The following ZNF221 variants were observed in gnomAD, a reference collection of about 807,000 sequenced individuals.
ZNF221 encodes zinc finger protein 221.
ZNF221 carries 10 observed loss-of-function variants against 12.6 expected under a neutral mutation model. The observed-to-expected ratio is 0.79, with a 90% CI of 0.49 to 1.34. The LOEUF (loss-of-function observed/expected upper bound fraction) is 1.34, where lower values mean the gene tolerates loss of function less well. ZNF221 is among the 40% of genes most tolerant of loss of function. ZNF221 has a pLI of 0.00. For missense variants in ZNF221, 661 were observed against 721.4 expected (o/e 0.92, Z 0.96); for synonymous variants, 232 against 244.0 (o/e 0.95, Z 0.46).
chr19:43,965,008 T>C lies in ZNF221; in HGVS notation c.140T>C (p.Leu47Pro). 1 of 1,614,192 alleles carries C rather than the reference T, an allele frequency of 6.2e-7. No individual in the cohort carries two copies. The highest frequency in any genetic ancestry group is 8.5e-7 in the Non-Finnish European group (1 of 1,180,032). ...VVFTEEELGL[L>P]DPAQRKLYRD... The stretch of plus-strand genomic sequence containing the variant: ...TTCACTGAGGAGGAGCTGGGGCTGC[T>C]GGACCCTGCCCAGAGGAAGCTGTAC... The change falls in exon 3 of 5, where the codon CTG becomes CCG. Residue 47 changes from leucine to proline, a missense_variant. Coordinates refer to ENST00000587682, the MANE Select transcript of ZNF221 (RefSeq NM_001297588.2).
chr19:43,975,611 G>T, the ZNF221 span, among the ~76,000 whole-genome samples: 1 of 152,278 alleles, frequency 6.6e-6, no homozygotes, highest in Admixed American at 6.5e-5. Context: ...GTGATAGATT[G>T]ATCTGTGCAG....
the ZNF221 span, among the ~76,000 whole-genome samples, chr19:43,974,366 A>G: frequency 5.3e-5 from 8 of 152,208 alleles, no homozygotes; most frequent in African/African-American, 1.7e-4. Context: ...CACCAAAAGC[A>G]ATTGCAACAA....
chr19:43,971,153 C>T (rs1975088961), downstream of ZNF221, among the ~76,000 whole-genome samples: 2 of 152,212 alleles, frequency 1.3e-5, no homozygotes, highest in South Asian at 4.1e-4. Flanking sequence ...TAGTATCTGG[C>T]CAAAGTAAGC....
At chr19:43,953,093 A>G (rs945208567) in intron 1 of ZNF221, among the ~76,000 whole-genome samples, 5 of 151,850 alleles carry the variant, frequency 3.3e-5, no homozygotes, top group African/African-American at 1.2e-4. Flanking sequence ...TAGCCTCCCA[A>G]GTAGCTGGGA....
In ZNF221 at chr19:43,967,173, G is replaced by A. The variant is rs745425868; in HGVS notation, c.1671G>A (p.Gly557=). 2.5e-6 allele frequency: 4 copies of A among 1,594,154 alleles called. No individual in the cohort carries two copies. The South Asian group carries it at 4.5e-5, about 18-fold the overall frequency. Residue 557 remains glycine (G), a synonymous_variant, in exon 5 of 5, where the codon GGG becomes GGA. Transcript: ENST00000587682. ...TTGACATGCACCAGAGGGTCCACGG[G>A]GGAGAGCGACCCTATAATTGTAAGG... is the stretch of plus-strand genomic sequence containing the variant. ...FNLDMHQRVH[G]GERPYNCKEC...
At chr19:43,956,605 A>G (rs1372273491) in intron 1 of ZNF221, among the ~76,000 whole-genome samples, 1 of 152,116 alleles carries the variant, frequency 6.6e-6, no homozygotes, top group Admixed American at 6.6e-5. Context: ...CTACTTGACT[A>G]CTGCCCCCAA....
chr19:43,962,361 C>T (rs1221080124), intron 1 of ZNF221, among the ~76,000 whole-genome samples: 1 of 152,102 alleles, frequency 6.6e-6, no homozygotes, highest in African/African-American at 2.4e-5. Context: ...AACCACTAAC[C>T]TACTTTCTCT....
downstream of ZNF221, among the ~76,000 whole-genome samples, chr19:43,970,873 C>T (rs1305125739): frequency 4.6e-5 from 7 of 152,174 alleles, no homozygotes; most frequent in Non-Finnish European, 1.0e-4. Flanking sequence ...CTTTCCAAAC[C>T]TAGCATGACA....
chr19:43,962,844 A>G (rs1974870416), intron 2 of ZNF221, 37 bp downstream of exon 2: 5 of 1,571,588 alleles, frequency 3.2e-6, no homozygotes, highest in Middle Eastern at 1.7e-4. Flanking sequence ...TTAAAATTCC[A>G]TCTTACTACT....
chr19:43,970,539 T>C (rs1324123485), downstream of ZNF221, among the ~76,000 whole-genome samples: 1 of 152,166 alleles, frequency 6.6e-6, no homozygotes, highest in African/African-American at 2.4e-5. Flanking sequence ...CAGGAGCTGA[T>C]GACCAGAATA....
At chr19:43,973,375 T>C in the ZNF221 span, among the ~76,000 whole-genome samples, 1 of 152,114 alleles carries the variant, frequency 6.6e-6, no homozygotes, top group Non-Finnish European at 1.5e-5. Flanking sequence ...TCCCCACTCC[T>C]GTTCAACACA....
rs180764397 is a variant in ZNF221, at chr19:43,967,635, C to T, written c.*279C>T. On this transcript the variant is annotated 3_prime_UTR_variant, in exon 5 of 5. Coordinates refer to ENST00000587682, the MANE Select transcript of ZNF221 (RefSeq NM_001297588.2). ...CTGGGACTACAGGTGCCCGCCACCA[C>T]ACCCAGCTAATTTTTTGTATTTTTA... 4.6e-4 allele frequency: 150 copies of T among 326,630 alleles called. No individual in the cohort carries two copies. Among genetic ancestry groups the T allele is most frequent in the African/African-American group, 3.0e-3 (141 of 47,328 alleles). The allele number at this position is 326,630 out of a possible 1,614,324, so 20.2% of individuals were successfully genotyped here.
At chr19:43,969,126 C>A (rs1261407667), downstream of ZNF221, among the ~76,000 whole-genome samples, 1 of 152,152 alleles carries the variant, frequency 6.6e-6, no homozygotes, top group African/African-American at 2.4e-5. Context: ...AACCCACTGG[C>A]TTGGAATTTC....
chr19:43,965,928 C>G lies in ZNF221; in HGVS notation c.426C>G (p.Asn142Lys), dbSNP rs1464657716. The G allele has an allele frequency of 1.9e-6, 3 of 1,614,186 alleles. No homozygotes were observed. The highest frequency in any genetic ancestry group is 1.7e-6 in the Non-Finnish European group (2 of 1,180,022). The stretch of plus-strand genomic sequence containing the variant: ...CCAGGTCTCAAAACTCCATAAGGAA[C>G]AGCTCTCAGTTCTTCAAAGAAGGTG... ...DLTRSQNSIR[N>K]SSQFFKEGDV... Residue 142 changes from asparagine to lysine, a missense_variant, in exon 5 of 5, where the codon AAC becomes AAG. Coordinates refer to ENST00000587682, the MANE Select transcript of ZNF221 (RefSeq NM_001297588.2).
the ZNF221 span, among the ~76,000 whole-genome samples, chr19:43,976,480 T>C: frequency 4.6e-5 from 7 of 152,168 alleles, no homozygotes; most frequent in South Asian, 1.5e-3. Flanking sequence ...GAGGTTGCAG[T>C]GAGCTGAGAT....
At chr19:43,955,829 G>T (rs375375139) in intron 1 of ZNF221, among the ~76,000 whole-genome samples, 2 of 152,156 alleles carry the variant, frequency 1.3e-5, no homozygotes, top group African/African-American at 2.4e-5. Context: ...CTCTTTGCTG[G>T]TCAGTTGAGA....
At chr19:43,959,143 A>T (rs1036724922) in intron 1 of ZNF221, among the ~76,000 whole-genome samples, 3 of 152,238 alleles carry the variant, frequency 2.0e-5, no homozygotes, top group Non-Finnish European at 4.4e-5. Flanking sequence ...AAAACCAAAG[A>T]TGCTGCTACT....
downstream of ZNF221, among the ~76,000 whole-genome samples, chr19:43,968,592 A>G (rs1336749471): frequency 6.6e-6 from 1 of 152,258 alleles, no homozygotes; most frequent in Non-Finnish European, 1.5e-5. Flanking sequence ...GGATAGACCA[A>G]GATGGCCAAT....
At chr19:43,969,164 C>T (rs1340911994), downstream of ZNF221, among the ~76,000 whole-genome samples, 1 of 152,150 alleles carries the variant, frequency 6.6e-6, no homozygotes, top group Non-Finnish European at 1.5e-5. Flanking sequence ...AGGCTTCAGC[C>T]TGAAATAGGA....
Sources: gnomAD v4.1 joint callset for allele counts (sites outside exome capture counted in the v4.1 genomes callset) on GRCh38, gnomAD v4.1.1 for gene constraint, MANE v1.5 for transcripts, NCBI Gene and HGNC (gene_info 2026-07-23, HGNC 2026-07-21) for gene names.